DLG2: variants seen among roughly 807,000 people sequenced by gnomAD.
The protein encoded by DLG2 is disks large homolog 2.
Under a neutral mutation model 132.5 loss-of-function variants are expected in DLG2, and 45 were observed. That is an observed-to-expected ratio of 0.34 (90% CI 0.27 to 0.44). The LOEUF (loss-of-function observed/expected upper bound fraction) is 0.44. Among genes scored for constraint, DLG2 ranks in the 20% least tolerant of loss-of-function variants. DLG2 has a pLI of 1.00. For missense variants in DLG2, 1,045 were observed against 1,196.9 expected, an observed-to-expected ratio of 0.87 and a Z score of 1.87; for synonymous variants, 424 against 419.6, an observed-to-expected ratio of 1.01 and a Z score of -0.13.
chr11:83,660,873 C>T (rs1465424198), intron 18 of DLG2, among the ~76,000 whole-genome samples: 1 of 152,092 alleles, frequency 6.6e-6, no homozygotes, highest in African/African-American at 2.4e-5. Flanking sequence ...CATCTCTCCC[C>T]ATATGTACAC....
intron 7 of DLG2, among the ~76,000 whole-genome samples, chr11:84,251,890 G>A (rs561426004): frequency 2.8e-4 from 42 of 151,548 alleles, no homozygotes; most frequent in African/African-American, 9.7e-4. Context: ...TACCCACCTC[G>A]GACTCCCAAA....
At chr11:84,104,024 T>C (rs1240327925) in intron 9 of DLG2, among the ~76,000 whole-genome samples, 2 of 152,126 alleles carry the variant, frequency 1.3e-5, no homozygotes, top group African/African-American at 4.8e-5. Context: ...TTTGTTGCAT[T>C]ATTTTTCTAG....
At chr11:84,038,092 G>A (rs1306484909) in intron 11 of DLG2, among the ~76,000 whole-genome samples, 1 of 151,914 alleles carries the variant, frequency 6.6e-6, no homozygotes, top group Non-Finnish European at 1.5e-5. Flanking sequence ...GTGCCCATTA[G>A]TTATTTTTCC....
intron 4 of DLG2, among the ~76,000 whole-genome samples, chr11:85,173,773 AGGAAAATTTACCAAGCAAAT>A (rs2079034747): frequency 6.6e-6 from 1 of 152,216 alleles, no homozygotes; most frequent in South Asian, 2.1e-4. Flanking sequence ...AAAGGGATGG[AGGAAAATTTACCAAGCAAAT>A]GGAAAACAGA....
chr11:84,898,080 T>C lies in DLG2; in HGVS notation c.357+213581A>G, dbSNP rs796267850. Reference sequence around the variant, plus strand: ...GAAAAATAATTTTAAGTTGAAAATATGGCTTCACTTTGCAAAGATATAACA... The same window carrying C: ...GAAAAATAATTTTAAGTTGAAAATACGGCTTCACTTTGCAAAGATATAACA... On this transcript the variant is annotated intron_variant, in intron 6 of 27. Transcript: ENST00000376104. 2.6e-4 allele frequency among the ~76,000 whole-genome samples: 39 copies of C among 152,078 alleles called. 1 individual carries two copies. The highest frequency in any genetic ancestry group is 8.2e-4 in the African/African-American group (34 of 41,572).
chr11:84,519,669 G>A (rs535141393), intron 7 of DLG2, among the ~76,000 whole-genome samples: 3 of 152,200 alleles, frequency 2.0e-5, no homozygotes, highest in South Asian at 2.1e-4. Context: ...ACAATAGATT[G>A]GGAGGCCTCC....
intron 6 of DLG2, among the ~76,000 whole-genome samples, chr11:85,061,705 T>C (rs1179684341): frequency 1.3e-5 from 2 of 151,902 alleles, no homozygotes; most frequent in African/African-American, 4.8e-5. Flanking sequence ...GAACGACAAA[T>C]TCCATCACTA....
At chr11:85,478,433 C>T (rs1254530439) in intron 3 of DLG2, among the ~76,000 whole-genome samples, 5 of 152,100 alleles carry the variant, frequency 3.3e-5, no homozygotes, top group African/African-American at 9.7e-5. Context: ...TGTGCCAACA[C>T]ACAGTATATT....
chr11:85,068,061 T>C (rs1342490256), intron 6 of DLG2, among the ~76,000 whole-genome samples: 1 of 152,098 alleles, frequency 6.6e-6, no homozygotes, highest in Non-Finnish European at 1.5e-5. Context: ...CTCATGATTA[T>C]CTCAATAGAT....
chr11:83,565,544 T>C (rs1362536194), intron 19 of DLG2, among the ~76,000 whole-genome samples: 1 of 150,366 alleles, frequency 6.7e-6, no homozygotes, highest in Non-Finnish European at 1.5e-5. Flanking sequence ...CAGAAATTTC[T>C]ATTCAGTGCA....
intron 3 of DLG2, among the ~76,000 whole-genome samples, chr11:85,537,888 G>A (rs974822273): frequency 3.3e-5 from 5 of 151,886 alleles, no homozygotes; most frequent in African/African-American, 1.2e-4. Context: ...AGGCCCAGGT[G>A]GGTGGATCAT....
At chr11:84,555,584 T>C (rs1176412352) in intron 6 of DLG2, among the ~76,000 whole-genome samples, 2 of 152,212 alleles carry the variant, frequency 1.3e-5, no homozygotes, top group Non-Finnish European at 2.9e-5. Flanking sequence ...TGGTGTATGA[T>C]TCCATTTATA....
chr11:84,588,116 A>C (rs528779441), intron 6 of DLG2, among the ~76,000 whole-genome samples: 1 of 152,256 alleles, frequency 6.6e-6, no homozygotes, highest in South Asian at 2.1e-4. Flanking sequence ...AGGCTCACCA[A>C]ATTTATTGAC....
intron 7 of DLG2, among the ~76,000 whole-genome samples, chr11:84,313,641 A>AAAAGAAAGAAAC (rs2098321276): frequency 1.5e-5 from 2 of 129,290 alleles, no homozygotes; most frequent in South Asian, 5.2e-4. Context: ...GAAAGAGAGA[A>AAAAGAAAGAAAC]AAAGAAAGAA....
Position 83,532,691 on chromosome 11 carries a change from C to T in DLG2, c.2193+17G>A. ...GGCAACTGAGAGAACTTGATGTTTCCATCATTTTGTACCTACCCCTTTCGA... is the reference window on the plus strand; with the variant it reads ...GGCAACTGAGAGAACTTGATGTTTCTATCATTTTGTACCTACCCCTTTCGA... On this transcript the variant is annotated intron_variant, in intron 21 of 27. Transcript: ENST00000376104. 6.2e-7 allele frequency: 1 copy of T among 1,609,996 alleles called. No individual in the cohort carries two copies. Among genetic ancestry groups the T allele is most frequent in the Non-Finnish European group, 8.5e-7 (1 of 1,177,086 alleles).
At chr11:84,882,959 GTA>G (rs1427821462) in intron 6 of DLG2, among the ~76,000 whole-genome samples, 1 of 151,960 alleles carries the variant, frequency 6.6e-6, no homozygotes, top group East Asian at 1.9e-4. Flanking sequence ...CCATTCCTGG[GTA>G]TATACCCAAA....
intron 3 of DLG2, among the ~76,000 whole-genome samples, chr11:85,553,839 TTA>T (rs1394542193): frequency 1.3e-5 from 2 of 151,050 alleles, no homozygotes; most frequent in Non-Finnish European, 3.0e-5. Context: ...CACATAAAAA[TTA>T]TGTTACATTC....
chr11:84,245,760 C>A (rs917990730), intron 8 of DLG2, among the ~76,000 whole-genome samples: 1 of 152,188 alleles, frequency 6.6e-6, no homozygotes, highest in Non-Finnish European at 1.5e-5. Context: ...TGCCATTGAC[C>A]TACAATATAA....
chr11:84,404,459 T>C (rs1348095575), intron 7 of DLG2, among the ~76,000 whole-genome samples: 1 of 152,188 alleles, frequency 6.6e-6, no homozygotes, highest in African/African-American at 2.4e-5. Flanking sequence ...CACAGTCATA[T>C]GTTTGTTTTC....
Sources: gnomAD v4.1 joint callset for allele counts (sites outside exome capture counted in the v4.1 genomes callset) on GRCh38, gnomAD v4.1.1 for gene constraint, MANE v1.5 for transcripts, NCBI Gene and HGNC (gene_info 2026-07-23, HGNC 2026-07-21) for gene names.